The following FREM2 variants were observed in gnomAD, a reference collection of about 807,000 sequenced individuals.
FREM2 encodes FRAS1-related extracellular matrix protein 2.
FREM2 carries 119 observed loss-of-function variants against 219.9 expected under a neutral mutation model. That is an observed-to-expected ratio of 0.54 (90% CI 0.47 to 0.63). FREM2 has a LOEUF of 0.63. Among genes scored for constraint, FREM2 ranks in the 30% least tolerant of loss-of-function variants. FREM2 has a pLI of 0.00. For missense variants in FREM2, 4,030 were observed against 3,993.6 expected, an observed-to-expected ratio of 1.01 and a Z score of -0.25; for synonymous variants, 1,562 against 1,522.8, an observed-to-expected ratio of 1.03 and a Z score of -0.60.
At chr13:38,707,570 G>A (rs562437867) in intron 2 of FREM2, among the ~76,000 whole-genome samples, 1 of 152,234 alleles carries the variant, frequency 6.6e-6, no homozygotes, top group African/African-American at 2.4e-5. Flanking sequence ...AGCACAGGAA[G>A]GTTTAATCCT....
intron 6 of FREM2, among the ~76,000 whole-genome samples, chr13:38,790,146 A>G (rs898327796): frequency 3.3e-5 from 5 of 152,138 alleles, no homozygotes; most frequent in Admixed American, 1.3e-4. Flanking sequence ...AGAGAGGCCT[A>G]TTGAGACATT....
intron 2 of FREM2, among the ~76,000 whole-genome samples, chr13:38,701,295 A>G (rs1870332543): frequency 3.9e-5 from 6 of 152,164 alleles, no homozygotes; most frequent in African/African-American, 1.2e-4. Context: ...AAGTTCAAGA[A>G]TATATTCCCG....
At chr13:38,778,438 A>C (rs1873965065) in intron 4 of FREM2, among the ~76,000 whole-genome samples, 1 of 152,174 alleles carries the variant, frequency 6.6e-6, no homozygotes, top group Non-Finnish European at 1.5e-5. Flanking sequence ...TCTTCTTATA[A>C]GGACACTAAT....
At chr13:38,813,559 CTCTCTATATA>C (rs1172485465) in intron 6 of FREM2, among the ~76,000 whole-genome samples, 1 of 9,102 alleles carries the variant, frequency 1.1e-4, no homozygotes, top group African/African-American at 4.0e-4. Context: ...CTCTCTCTCT[CTCTCTATATA>C]TATATATATA....
intron 6 of FREM2, among the ~76,000 whole-genome samples, chr13:38,833,127 A>G (rs1876576843): frequency 6.6e-6 from 1 of 152,154 alleles, no homozygotes; most frequent in African/African-American, 2.4e-5. Context: ...TTAAGTATGT[A>G]TATATACTTT....
chr13:38,845,341 G>A lies in FREM2; in HGVS notation c.6020-1232G>A, dbSNP rs142943828. Among the ~76,000 whole-genome samples, 734 of 152,304 alleles carry A rather than the reference G, an allele frequency of 4.8e-3. 6 individuals are homozygous for A. Among genetic ancestry groups the A allele is most frequent in the African/African-American group, 0.017 (709 of 41,562 alleles). On this transcript the variant is annotated intron_variant, in intron 6 of 23. Coordinates refer to ENST00000280481, the MANE Select transcript of FREM2 (RefSeq NM_207361.6). ...GTTTTGCTTAATTTGGTATGTGTGG[G>A]AATTCAATTAGTTGCTCTGAAACAT...
intron 6 of FREM2, among the ~76,000 whole-genome samples, chr13:38,807,190 T>TATATATATATATATAC (rs1875269978): frequency 2.8e-5 from 1 of 36,118 alleles, no homozygotes; most frequent in African/African-American, 1.4e-4. Context: ...TTGTCTCTGT[T>TATATATATATATATAC]ATATATATAT....
rs1205450346 is a variant in FREM2, at chr13:38,881,773, C to T, written c.*986C>T. ...AATATAATGTGTATAATCAGAGTGCCTCTTATACATACTTTATAGAATAAA... is the reference window on the plus strand; with the variant it reads ...AATATAATGTGTATAATCAGAGTGCTTCTTATACATACTTTATAGAATAAA... On this transcript the variant is annotated 3_prime_UTR_variant, in exon 24 of 24. Transcript: ENST00000280481. 6.6e-6 allele frequency: 1 copy of T among 152,414 alleles called. No individual in the cohort carries two copies. Among genetic ancestry groups the T allele is most frequent in the Non-Finnish European group, 1.5e-5 (1 of 68,030 alleles). The allele number at this position is 152,414 out of a possible 1,614,324, so 9.4% of individuals were successfully genotyped here.
At chr13:38,879,620 G>A (rs1349076262) in intron 23 of FREM2, among the ~76,000 whole-genome samples, 1 of 152,216 alleles carries the variant, frequency 6.6e-6, no homozygotes, top group Non-Finnish European at 1.5e-5. Flanking sequence ...ATGGCCTGGA[G>A]AAATGTGTTA....
intron 2 of FREM2, among the ~76,000 whole-genome samples, chr13:38,730,415 G>A (rs573947511): frequency 7.9e-5 from 12 of 152,316 alleles, no homozygotes; most frequent in Admixed American, 3.3e-4. Flanking sequence ...CAGGGAAGGC[G>A]AACATGGCAC....
intron 2 of FREM2, among the ~76,000 whole-genome samples, chr13:38,701,088 C>A (rs1032511111): frequency 1.3e-5 from 2 of 151,854 alleles, no homozygotes; most frequent in African/African-American, 4.8e-5. Flanking sequence ...TATTTTGTGA[C>A]CCAGGTACTA....
intron 2 of FREM2, among the ~76,000 whole-genome samples, chr13:38,716,655 C>G (rs1871014303): frequency 6.6e-6 from 1 of 152,172 alleles, no homozygotes; most frequent in South Asian, 2.1e-4. Flanking sequence ...TTACAGGCAC[C>G]TGCCACCACA....
At chr13:38,718,012 C>G (rs112174489) in intron 2 of FREM2, among the ~76,000 whole-genome samples, 1 of 152,116 alleles carries the variant, frequency 6.6e-6, no homozygotes, top group Non-Finnish European at 1.5e-5. Context: ...AAATAACCAA[C>G]CAGAAAGAAT....
Position 38,850,117 on chromosome 13 carries a change from T to G in FREM2, c.6459T>G (p.Thr2153=), listed in dbSNP as rs9548507. ...DGQIVTMIHR[T]GDVQYRSSVR... ...AGATAGTTACAATGATCCATAGGAC[T>G]GGGGATGTCCAGTACAGATCTTCAG... Residue 2153 remains threonine, a synonymous_variant, in exon 9 of 24, where the codon ACT becomes ACG. Coordinates refer to ENST00000280481, the MANE Select transcript of FREM2 (RefSeq NM_207361.6). 6.2e-7 allele frequency: 1 copy of G among 1,613,694 alleles called. No individual in the cohort carries two copies. Among genetic ancestry groups the G allele is most frequent in the African/African-American group, 1.3e-5 (1 of 75,016 alleles).
Position 38,691,777 on chromosome 13 carries a change from C to T in FREM2, c.4433C>T (p.Ser1478Phe). The change falls in exon 1 of 24, where the codon TCC (serine) becomes TTC (phenylalanine). Residue 1478 changes from serine to phenylalanine, a missense_variant. By Grantham distance (155) the Ser-to-Phe change is radical. This residue lies in a region of FREM2 where 3,102 missense variants were observed against 2,950.7 expected (regional missense o/e 1.05). Transcript: ENST00000280481. ...GAATGCACGGATCAGCCTGGTGTGT[C>T]CATCACGTCTTTCACTCAGCTGCAA... ...HLECTDQPGV[S>F]ITSFTQLQLA... The T allele has an allele frequency of 1.9e-6, 3 of 1,614,158 alleles. No individual in the cohort carries two copies. The highest frequency in any genetic ancestry group is 2.5e-6 in the Non-Finnish European group (3 of 1,180,038).
At chr13:38,808,245 G>A (rs866576499) in intron 6 of FREM2, among the ~76,000 whole-genome samples, 25 of 152,000 alleles carry the variant, frequency 1.6e-4, no homozygotes, top group Admixed American at 9.2e-4. Flanking sequence ...GACTTAAGGG[G>A]ATGTTTTGGC....
At chr13:38,784,510 T>A in intron 5 of FREM2, 47 bp from the exon 6 acceptor site, 1 of 1,605,242 alleles carries the variant, frequency 6.2e-7, no homozygotes, top group Non-Finnish European at 8.5e-7. Flanking sequence ...GAAATATCTT[T>A]GTCTTATGTT....
At chr13:38,818,495 A>G (rs1875860714) in intron 6 of FREM2, among the ~76,000 whole-genome samples, 1 of 152,118 alleles carries the variant, frequency 6.6e-6, no homozygotes, top group African/African-American at 2.4e-5. Flanking sequence ...AAAAGTTGAT[A>G]TCATTGAAGC....
rs1357098373 is a variant in FREM2 at position 38,881,183 on chromosome 13, T to G, written c.*396T>G. On this transcript the variant is annotated 3_prime_UTR_variant, in exon 24 of 24. Transcript: ENST00000280481. ...AATGTTGAAGGTGCAATTATCACAT[T>G]GTTTATTAATTGTATAACAGATTAT... 2 of 288,564 alleles carry G rather than the reference T, an allele frequency of 6.9e-6. No individual in the cohort carries two copies. The highest frequency in any genetic ancestry group is 1.8e-4 in the East Asian group (2 of 11,264). The allele number at this position is 288,564 out of a possible 1,614,324, so 17.9% of individuals were successfully genotyped here. A position where few individuals can be genotyped will look rare whatever the true frequency, so the allele number is the denominator to read the frequency against.
Sources: gnomAD v4.1 joint callset for allele counts (sites outside exome capture counted in the v4.1 genomes callset) on GRCh38, gnomAD v4.1.1 for gene constraint, gnomAD v4.1.1 regional missense constraint, MANE v1.5 for transcripts, NCBI Gene and HGNC (gene_info 2026-07-23, HGNC 2026-07-21) for gene names.